Variants in GALNTL6 observed in about 807,000 individuals in gnomAD.
The protein encoded by GALNTL6 is polypeptide N-acetylgalactosaminyltransferase-like 6.
A neutral mutation model predicts 73.7 loss-of-function variants in GALNTL6; 46 were observed. That is an observed-to-expected ratio of 0.62 (90% CI 0.49 to 0.80). The LOEUF is 0.80. Among genes scored for constraint, GALNTL6 ranks in the 30% least tolerant of loss-of-function variants. The pLI is 0.00. For missense variants in GALNTL6, 604 were observed against 755.0 expected, an observed-to-expected ratio of 0.80 and a Z score of 2.34; for synonymous variants, 259 against 263.7, an observed-to-expected ratio of 0.98 and a Z score of 0.17.
intron 5 of GALNTL6, among the ~76,000 whole-genome samples, chr4:172,785,316 T>A (rs1264908888): frequency 2.6e-5 from 4 of 152,200 alleles, no homozygotes; most frequent in Non-Finnish European, 4.4e-5. Flanking sequence ...CAGAATAGTT[T>A]AAATTTTTCA....
intron 5 of GALNTL6, among the ~76,000 whole-genome samples, chr4:172,354,083 A>C (rs1019373178): frequency 1.3e-5 from 2 of 152,092 alleles, no homozygotes; most frequent in African/African-American, 4.8e-5. Flanking sequence ...TATATTATAC[A>C]ATACTAACAC....
intron 5 of GALNTL6, among the ~76,000 whole-genome samples, chr4:172,528,587 C>T (rs144325068): frequency 0.016 from 2,476 of 151,118 alleles, 67 homozygotes; most frequent in African/African-American, 0.056. Flanking sequence ...CCTTGTGATC[C>T]GCCCACCTTG....
rs1171741757 is a variant in GALNTL6, at chr4:172,720,256, AG to A, written c.554-89102del. On this transcript the variant is annotated intron_variant, in intron 5 of 12. Transcript: ENST00000506823. ...AAATTTAGGCTCACAGACAGTTTAA[AG>A]GGTGAGTAAAGCAGGGTTTTATTGA... 3.3e-5 allele frequency among the ~76,000 whole-genome samples: 5 copies of A among 152,228 alleles called. No individual in the cohort carries two copies. The South Asian group carries it at 8.3e-4, about 25-fold the overall frequency.
Position 171,948,960 on chromosome 4 carries a change from T to C in GALNTL6, c.138+134242T>C, listed in dbSNP as rs557794843. ...ATGACAGACTCGCAAGCCATATATA[T>C]ATACACACACACACACACACACACA... is the stretch of plus-strand genomic sequence containing the variant. On this transcript the variant is annotated intron_variant, in intron 2 of 12. Coordinates refer to ENST00000506823, the MANE Select transcript of GALNTL6 (RefSeq NM_001034845.3). Among the ~76,000 whole-genome samples, 602 of 133,190 alleles carry C rather than the reference T, an allele frequency of 4.5e-3. 1 individual carries two copies. Among genetic ancestry groups the C allele is most frequent in the Middle Eastern group, 0.012 (3 of 260 alleles). 87.4% of individuals were successfully genotyped at this position (133,190 alleles called of 152,430 possible).
rs560842966 is a variant in GALNTL6, at chr4:172,808,696, A to G, written c.554-665A>G. On this transcript the variant is annotated intron_variant, in intron 5 of 12. Coordinates refer to ENST00000506823, the MANE Select transcript of GALNTL6 (RefSeq NM_001034845.3). The stretch of plus-strand genomic sequence containing the variant: ...TATCCGATTTGATTTTGTTTCCACT[A>G]TTTGTTTTTAATTAGGCAGGAAACA... Among the ~76,000 whole-genome samples, 12 of 151,988 alleles carry G rather than the reference A, an allele frequency of 7.9e-5. No individual in the cohort carries two copies. The South Asian group carries it at 2.5e-3, about 32-fold the overall frequency.
chr4:172,127,814 G>T (rs1733345074), intron 2 of GALNTL6, among the ~76,000 whole-genome samples: 2 of 152,232 alleles, frequency 1.3e-5, no homozygotes, highest in Non-Finnish European at 2.9e-5. Context: ...ACATAAAAGT[G>T]TCTAAGGTCC....
rs1431390782 is a variant in GALNTL6, at chr4:172,211,553, C to A, written c.139-18103C>A. On this transcript the variant is annotated intron_variant, in intron 2 of 12. Transcript: ENST00000506823. Reference sequence around the variant, plus strand: ...TTACTTATATTAATATTGTTAAATTCCACTATATATGTGCAGAAGCATCAG... The same window carrying A: ...TTACTTATATTAATATTGTTAAATTACACTATATATGTGCAGAAGCATCAG... Among the ~76,000 whole-genome samples, 4 of 152,138 alleles carry A rather than the reference C, an allele frequency of 2.6e-5. No individual in the cohort carries two copies. In the South Asian group the frequency reaches 6.2e-4, roughly 24 times the overall value.
chr4:172,530,357 A>G (rs952786413), intron 5 of GALNTL6, among the ~76,000 whole-genome samples: 1 of 152,164 alleles, frequency 6.6e-6, no homozygotes, highest in African/African-American at 2.4e-5. Flanking sequence ...GGGAAATGCT[A>G]CTCGCCTACC....
chr4:172,707,737 T>A (rs1734443738), intron 5 of GALNTL6, among the ~76,000 whole-genome samples: 1 of 152,068 alleles, frequency 6.6e-6, no homozygotes, highest in Admixed American at 6.6e-5. Flanking sequence ...AGCTGGGGAT[T>A]TATAGCCAAC....
At chr4:172,280,144 T>C (rs4140) in intron 3 of GALNTL6, among the ~76,000 whole-genome samples, 98,181 of 152,118 alleles carry the variant, frequency 0.65, 33,659 homozygotes, top group African/African-American at 0.9. Flanking sequence ...AGAAAAAGCT[T>C]TTGAGCTCTG....
At chr4:172,158,093 T>C (rs1236424370) in intron 2 of GALNTL6, among the ~76,000 whole-genome samples, 1 of 152,232 alleles carries the variant, frequency 6.6e-6, no homozygotes, top group Non-Finnish European at 1.5e-5. Context: ...CAATATGCTG[T>C]TGGCCAGATT....
At chr4:172,188,798 A>G (rs1191873259) in intron 2 of GALNTL6, among the ~76,000 whole-genome samples, 6 of 152,172 alleles carry the variant, frequency 3.9e-5, no homozygotes, top group Non-Finnish European at 8.8e-5. Context: ...AGCTCTGCTG[A>G]GGGAAGAGTG....
intron 5 of GALNTL6, among the ~76,000 whole-genome samples, chr4:172,677,919 A>G (rs2111223541): frequency 6.6e-6 from 1 of 152,310 alleles, no homozygotes; most frequent in South Asian, 2.1e-4. Context: ...TCACTGATGT[A>G]ATAGCTGGAG....
intron 5 of GALNTL6, among the ~76,000 whole-genome samples, chr4:172,669,829 C>G (rs1269313027): frequency 1.3e-5 from 2 of 152,020 alleles, no homozygotes; most frequent in African/African-American, 4.8e-5. Flanking sequence ...CACACTGTAC[C>G]CTCCAATAAG....
chr4:172,761,701 C>T (rs568129284), intron 5 of GALNTL6, among the ~76,000 whole-genome samples: 1 of 150,006 alleles, frequency 6.7e-6, no homozygotes. Context: ...CTCTCTTTCT[C>T]TCTCTCCTGC....
intron 5 of GALNTL6, among the ~76,000 whole-genome samples, chr4:172,428,657 T>G (rs1250040701): frequency 1.3e-5 from 2 of 152,212 alleles, no homozygotes; most frequent in African/African-American, 4.8e-5. Context: ...TTATGTCCTT[T>G]TACCTTCACA....
intron 2 of GALNTL6, among the ~76,000 whole-genome samples, chr4:172,196,086 T>C (rs574389319): frequency 1.5e-5 from 2 of 131,860 alleles, no homozygotes; most frequent in African/African-American, 2.8e-5. Flanking sequence ...AATAACTGAA[T>C]AGACACAATA....
At chr4:172,923,177 C>T (rs1328088920) in intron 8 of GALNTL6, among the ~76,000 whole-genome samples, 1 of 152,128 alleles carries the variant, frequency 6.6e-6, no homozygotes, top group Non-Finnish European at 1.5e-5. Flanking sequence ...ACATACCCGA[C>T]ACTGGGCAAT....
At chr4:172,697,226 A>C (rs1733752875) in intron 5 of GALNTL6, among the ~76,000 whole-genome samples, 2 of 152,190 alleles carry the variant, frequency 1.3e-5, no homozygotes, top group African/African-American at 4.8e-5. Context: ...ATGGAGCTTT[A>C]CTAACCATTA....
Sources: allele counts gnomAD v4.1 joint callset (sites outside exome capture counted in the v4.1 genomes callset), GRCh38; gene constraint gnomAD v4.1.1; transcripts MANE v1.5; gene names NCBI Gene and HGNC (gene_info 2026-07-23, HGNC 2026-07-21).